The following CFHR3 variants were observed in gnomAD, a reference collection of about 807,000 sequenced individuals.
CFHR3 encodes the protein complement factor H related 3, also known as complement factor H-related protein 3.
A neutral mutation model predicts 36.0 loss-of-function variants in CFHR3; 22 were observed. The observed-to-expected ratio is 0.61, with a 90% CI of 0.44 to 0.87. CFHR3 has a LOEUF of 0.87. Ranked by LOEUF, CFHR3 falls within the 40% of genes least tolerant of loss-of-function variation. The pLI is 0.00. For missense variants in CFHR3, 276 were observed against 401.3 expected, an observed-to-expected ratio of 0.69 and a Z score of 2.67; for synonymous variants, 97 against 137.4, an observed-to-expected ratio of 0.71 and a Z score of 2.06.
At chr1:196,780,097 C>A in intron 3 of CFHR3, 124 bp downstream of exon 3, 1 of 1,270,414 alleles carries the variant, frequency 7.9e-7, no homozygotes, top group East Asian at 2.4e-5. Context: ...GCCAACGGAC[C>A]TATTTAGTTT....
chr1:196,790,708 AGG>A (rs1217638982), intron 5 of CFHR3, among the ~76,000 whole-genome samples: 1 of 131,880 alleles, frequency 7.6e-6, no homozygotes, highest in Non-Finnish European at 1.6e-5. Flanking sequence ...TGGGCGACAG[AGG>A]GAGACCCCAT....
chr1:196,788,457 G>A (rs1654298523), intron 4 of CFHR3, 59 bp downstream of exon 4: 1 of 1,506,602 alleles, frequency 6.6e-7, no homozygotes, highest in Admixed American at 1.8e-5. Context: ...TCTTTGAGAT[G>A]ATAGTGTTTT....
intron 4 of CFHR3, chr1:196,789,761 A>C: frequency 7.2e-7 from 1 of 1,379,814 alleles, no homozygotes; most frequent in African/African-American, 1.9e-5. Context: ...ATGTTATAGT[A>C]AGTATTTTAT....
rs1654168702 is a variant in CFHR3 at position 196,785,683 on chromosome 1, G to T, written c.431-2533G>T. 1.5e-5 allele frequency among the ~76,000 whole-genome samples: 2 copies of T among 136,468 alleles called. 1 individual carries two copies. The highest frequency in any genetic ancestry group is 6.2e-5 in the African/African-American group (2 of 32,500). 89.5% of individuals were successfully genotyped at this position (136,468 alleles called of 152,430 possible). A position where few individuals can be genotyped will look rare whatever the true frequency, so the allele number is the denominator to read the frequency against. ...CTCCTTTAAGCACTTCTCTGTATTG[G>T]TTATTCTACTTATACATTTGTCTAA... On this transcript the variant is annotated intron_variant, in intron 3 of 5. Coordinates refer to ENST00000367425, the MANE Select transcript of CFHR3 (RefSeq NM_021023.6).
chr1:196,787,539 G>A (rs57891285), intron 3 of CFHR3, among the ~76,000 whole-genome samples: 2,501 of 136,644 alleles, frequency 0.018, 626 homozygotes, highest in African/African-American at 0.069. Flanking sequence ...AAACATATGC[G>A]TTACTAAAAT....
chr1:196,776,303 A>C (rs1352717751), intron 1 of CFHR3, among the ~76,000 whole-genome samples: 1 of 136,576 alleles, frequency 7.3e-6, no homozygotes, highest in South Asian at 2.5e-4. Flanking sequence ...TGTCTTGTAA[A>C]TTTGGGTTGC....
At position 196,777,472 on chromosome 1, in the gene CFHR3, A is replaced by G. The variant is rs147448419; in HGVS notation, c.59-1690A>G. Reference sequence around the variant, plus strand: ...TCTTTGGGACGCTCAAATTTATTTCAAGTTTAACTAAGAAGCTGGCTTCTG... The same window carrying G: ...TCTTTGGGACGCTCAAATTTATTTCGAGTTTAACTAAGAAGCTGGCTTCTG... On this transcript the variant is annotated intron_variant, in intron 1 of 5. Transcript: ENST00000367425. 5.0e-3 allele frequency among the ~76,000 whole-genome samples: 681 copies of G among 135,978 alleles called. 179 individuals are homozygous for G. Among genetic ancestry groups the G allele is most frequent in the African/African-American group, 0.02 (659 of 32,324 alleles). 89.2% of individuals were successfully genotyped at this position (135,978 alleles called of 152,430 possible). A position where few individuals can be genotyped will look rare whatever the true frequency, so the allele number is the denominator to read the frequency against.
chr1:196,776,834 G>GATATAT lies in CFHR3; in HGVS notation c.58+1902_58+1907dup, dbSNP rs35001925. Among the ~76,000 whole-genome samples, 71 of 128,218 alleles carry GATATAT rather than the reference G, an allele frequency of 5.5e-4. 15 individuals carry two copies. Among genetic ancestry groups the GATATAT allele is most frequent in the African/African-American group, 2.2e-3 (64 of 29,666 alleles). The allele number at this position is 128,218 out of a possible 152,430, so 84.1% of individuals were successfully genotyped here. A position where few individuals can be genotyped will look rare whatever the true frequency, so the allele number is the denominator to read the frequency against. On this transcript the variant is annotated intron_variant, in intron 1 of 5. Transcript: ENST00000367425. ...AATAACTTTTTACTTTTTACTCAAGGATATATATATATATATACCCACCAA... is the reference window on the plus strand; with the variant it reads ...AATAACTTTTTACTTTTTACTCAAGGATATATATATATATATATATATACCCACCAA...
intron 3 of CFHR3, among the ~76,000 whole-genome samples, chr1:196,783,836 C>T (rs2124850548): frequency 7.4e-6 from 1 of 135,572 alleles, no homozygotes. Flanking sequence ...TATTTCTTGC[C>T]TTCTGCTAGC....
chr1:196,789,501 A>T (rs183733015), intron 4 of CFHR3: 2 of 981,030 alleles, frequency 2.0e-6, no homozygotes, highest in African/African-American at 2.2e-5. Flanking sequence ...AAAAGACAGG[A>T]TGCTTCATAA....
In CFHR3 at chr1:196,788,216, G is replaced by T. The variant is rs747595353; in HGVS notation, c.431G>T (p.Arg144Ile). The change falls in exon 4 of 6, where the codon AGA becomes ATA. Residue 144 changes from arginine to isoleucine, a missense_variant and splice_region_variant. Physicochemically the swap from Arg to Ile is moderately conservative, Grantham distance 97. Transcript: ENST00000367425. ...WSPTPRCIRVRTCSKSDIEIE... is the reference protein window; with the variant it reads ...WSPTPRCIRVITCSKSDIEIE... ...TTTTTCTTGACTTTTTCTATTTTAG[G>T]AACATGCTCAAAATCAGATATAGAA... The T allele has an allele frequency of 6.9e-7, 1 of 1,453,068 alleles. No homozygotes were observed. The highest frequency in any genetic ancestry group is 1.9e-5 in the Admixed American group (1 of 52,550). 90.0% of individuals were successfully genotyped at this position (1,453,068 alleles called of 1,614,324 possible). A position where few individuals can be genotyped will look rare whatever the true frequency, so the allele number is the denominator to read the frequency against.
rs1372369576 is a variant in CFHR3 at position 196,793,776 on chromosome 1, GAGAC to G, written c.*270_*273del. On this transcript the variant is annotated 3_prime_UTR_variant, in exon 6 of 6. Coordinates refer to ENST00000367425, the MANE Select transcript of CFHR3 (RefSeq NM_021023.6). ...TCTTATCAATGAATTAGTAAGTATAGAGACAGACAGCTGAATGGCTTTCTGCATA... is the reference window on the plus strand; with the variant it reads ...TCTTATCAATGAATTAGTAAGTATAGAGACAGCTGAATGGCTTTCTGCATA... 3.1e-4 allele frequency: 96 copies of G among 311,442 alleles called. 11 individuals carry two copies. Among genetic ancestry groups the G allele is most frequent in the African/African-American group, 2.6e-3 (96 of 36,696 alleles). The allele number at this position is 311,442 out of a possible 1,614,324, so 19.3% of individuals were successfully genotyped here. A position where few individuals can be genotyped will look rare whatever the true frequency, so the allele number is the denominator to read the frequency against.
intron 1 of CFHR3, among the ~76,000 whole-genome samples, chr1:196,777,572 A>G (rs1653773971): frequency 7.3e-6 from 1 of 137,248 alleles, no homozygotes. Context: ...TTCCTACTAC[A>G]GACCAAGTTC....
chr1:196,787,297 A>G (rs1356803256), intron 3 of CFHR3, among the ~76,000 whole-genome samples: 1 of 137,314 alleles, frequency 7.3e-6, no homozygotes, highest in Admixed American at 7.0e-5. Context: ...TAGGTATTGA[A>G]AATAAAGCTG....
intron 3 of CFHR3, among the ~76,000 whole-genome samples, chr1:196,782,261 G>T (rs1426545087): frequency 2.2e-5 from 3 of 136,882 alleles, no homozygotes; most frequent in Non-Finnish European, 3.1e-5. Context: ...TGTTCTTTTG[G>T]CTTAGGATTG....
chr1:196,781,249 C>T (rs1419772626), intron 3 of CFHR3, among the ~76,000 whole-genome samples: 4 of 135,040 alleles, frequency 3.0e-5, no homozygotes, highest in Admixed American at 7.1e-5. Flanking sequence ...GTGAATAATG[C>T]CGCAATAAGC....
rs1428132947 is a variant in CFHR3, at chr1:196,788,191, T to G, written c.431-25T>G. The G allele has an allele frequency of 1.8e-5, 26 of 1,446,634 alleles. 3 individuals are homozygous for G. In the Admixed American group the frequency reaches 4.9e-4, roughly 27 times the overall value. The allele number at this position is 1,446,634 out of a possible 1,614,324, so 89.6% of individuals were successfully genotyped here. A position where few individuals can be genotyped will look rare whatever the true frequency, so the allele number is the denominator to read the frequency against. The stretch of plus-strand genomic sequence containing the variant: ...AAGAACTATTCAACTAATATTTACT[T>G]TTTTCTTGACTTTTTCTATTTTAGG... On this transcript the variant is annotated intron_variant, in intron 3 of 5. Transcript: ENST00000367425.
chr1:196,775,256 G>T (rs1239178332), intron 1 of CFHR3, among the ~76,000 whole-genome samples: 1 of 137,074 alleles, frequency 7.3e-6, no homozygotes, highest in African/African-American at 3.0e-5. Flanking sequence ...TCATTAGACA[G>T]ATTCTAAGCT....
Position 196,776,465 on chromosome 1 carries a change from A to C in CFHR3, c.58+1521A>C, listed in dbSNP as rs1242556170. Among the ~76,000 whole-genome samples the C allele has an allele frequency of 2.2e-5, 3 of 137,786 alleles. 1 individual carries two copies. Among genetic ancestry groups the C allele is most frequent in the Non-Finnish European group, 4.6e-5 (3 of 64,704 alleles). The allele number at this position is 137,786 out of a possible 152,430, so 90.4% of individuals were successfully genotyped here. A position where few individuals can be genotyped will look rare whatever the true frequency, so the allele number is the denominator to read the frequency against. ...CAAATTCCCAATACCTGAGAATGTG[A>C]CTGCATTTGGAGAAGGAGTGCTTAG... On this transcript the variant is annotated intron_variant, in intron 1 of 5. Transcript: ENST00000367425.
Sources: allele counts gnomAD v4.1 joint callset (sites outside exome capture counted in the v4.1 genomes callset), GRCh38; gene constraint gnomAD v4.1.1; transcripts MANE v1.5; gene names NCBI Gene and HGNC (gene_info 2026-07-23, HGNC 2026-07-21).